Variants in CNTNAP3B observed in about 807,000 individuals in gnomAD.
The protein encoded by CNTNAP3B is contactin-associated protein-like 3B.
A neutral mutation model predicts 108.9 loss-of-function variants in CNTNAP3B; 25 were observed. The ratio of observed to expected loss-of-function variants is 0.23; its 90% CI spans 0.17 to 0.32. CNTNAP3B has a LOEUF of 0.32. Ranked by LOEUF, CNTNAP3B falls within the 10% of genes least tolerant of loss-of-function variation. CNTNAP3B has a pLI of 1.00. For synonymous variants in CNTNAP3B, 103 were observed against 473.4 expected (o/e 0.22, Z 10.16); for missense variants, 252 against 1,210.4 (o/e 0.21, Z 11.75).
chr9:41,947,389 A>G (rs1824558575), intron 13 of CNTNAP3B, among the ~76,000 whole-genome samples: 1 of 152,268 alleles, frequency 6.6e-6, no homozygotes. Flanking sequence ...AACACTTAGA[A>G]ATTTTTTAAA....
At chr9:42,123,192 A>G (rs1828500292) in intron 1 of CNTNAP3B, among the ~76,000 whole-genome samples, 1 of 107,252 alleles carries the variant, frequency 9.3e-6, no homozygotes, top group Non-Finnish European at 1.9e-5. Context: ...ACATTGAGAC[A>G]ATGTTTCTTT....
At chr9:41,968,102 G>C (rs1424600688) in intron 10 of CNTNAP3B, among the ~76,000 whole-genome samples, 2 of 152,216 alleles carry the variant, frequency 1.3e-5, no homozygotes, top group African/African-American at 2.4e-5. Context: ...CATGCACAAA[G>C]CAGGCAAAAT....
intron 13 of CNTNAP3B, among the ~76,000 whole-genome samples, chr9:41,941,287 A>C (rs1824334856): frequency 6.7e-6 from 1 of 148,706 alleles, no homozygotes; most frequent in South Asian, 2.2e-4. Context: ...AAAAAAAATA[A>C]CACAACGAGA....
chr9:42,113,169 T>C (rs1274234291), intron 1 of CNTNAP3B, among the ~76,000 whole-genome samples: 1 of 134,756 alleles, frequency 7.4e-6, no homozygotes, highest in East Asian at 2.3e-4. Flanking sequence ...GATGGGAAAA[T>C]CTGCATATGA....
At chr9:42,018,684 A>T (rs1386443193) in intron 3 of CNTNAP3B, among the ~76,000 whole-genome samples, 2 of 151,690 alleles carry the variant, frequency 1.3e-5, no homozygotes, top group Non-Finnish European at 2.9e-5. Context: ...ACTGTCAAAG[A>T]CTTCAGCTCA....
chr9:41,930,469 G>A (rs1416771912), intron 14 of CNTNAP3B, among the ~76,000 whole-genome samples: 1 of 152,286 alleles, frequency 6.6e-6, no homozygotes, highest in Non-Finnish European at 1.5e-5. Context: ...CTTGAGCCTG[G>A]GAGGTAGAGG....
At chr9:41,939,676 G>A (rs1280422855) in intron 13 of CNTNAP3B, among the ~76,000 whole-genome samples, 4 of 152,268 alleles carry the variant, frequency 2.6e-5, no homozygotes, top group Admixed American at 6.5e-5. Flanking sequence ...CCATTAAACT[G>A]TCGCAGATTA....
rs1167766380 is a variant in CNTNAP3B at position 41,973,845 on chromosome 9, TTC to T, written c.1478-3602_1478-3601del. ...TCTGCAAATTAGACTTTCTCTTTCT[TTC>T]TCTCTCTCTCTCTTTCTTGACAGAG... On this transcript the variant is annotated intron_variant, in intron 9 of 23. Transcript: ENST00000377561. 4.6e-5 allele frequency among the ~76,000 whole-genome samples: 6 copies of T among 130,496 alleles called. 1 individual carries two copies. Among genetic ancestry groups the T allele is most frequent in the Non-Finnish European group, 4.9e-5 (3 of 61,846 alleles). The allele number at this position is 130,496 out of a possible 152,430, so 85.6% of individuals were successfully genotyped here.
intron 2 of CNTNAP3B, among the ~76,000 whole-genome samples, chr9:42,085,987 T>C (rs924842979): frequency 1.4e-5 from 2 of 141,910 alleles, no homozygotes; most frequent in Admixed American, 1.4e-4. Context: ...TTCCAGTTTT[T>C]GTCTACTGTA....
chr9:42,108,062 T>A (rs1248835312), intron 1 of CNTNAP3B, among the ~76,000 whole-genome samples: 1 of 138,392 alleles, frequency 7.2e-6, no homozygotes, highest in Non-Finnish European at 1.5e-5. Context: ...GTTTATTGTT[T>A]TTTCCCTATC....
rs1410622445 is a variant in CNTNAP3B at position 42,056,373 on chromosome 9, C to T, written c.390+20496G>A. On this transcript the variant is annotated intron_variant, in intron 3 of 23. Coordinates refer to ENST00000377561, the MANE Select transcript of CNTNAP3B (RefSeq NM_001201380.3). ...TTATTATTATTATTATTATTTGAGA[C>T]GGAGTCTTGCTCTGTCGCCCAGGCT... Among the ~76,000 whole-genome samples the T allele has an allele frequency of 1.5e-4, 19 of 130,558 alleles. 1 individual carries two copies. The highest frequency in any genetic ancestry group is 3.0e-4 in the Admixed American group (4 of 13,210). The allele number at this position is 130,558 out of a possible 152,430, so 85.7% of individuals were successfully genotyped here.
At chr9:41,942,256 A>C (rs1450784048) in intron 13 of CNTNAP3B, among the ~76,000 whole-genome samples, 1 of 152,260 alleles carries the variant, frequency 6.6e-6, no homozygotes, top group African/African-American at 2.4e-5. Flanking sequence ...CGGGCAGATC[A>C]TGAGGTCAGG....
At chr9:41,966,916 G>A (rs536294853) in intron 10 of CNTNAP3B, among the ~76,000 whole-genome samples, 10 of 150,336 alleles carry the variant, frequency 6.7e-5, no homozygotes, top group East Asian at 5.8e-4. Context: ...GCAGTGAGCC[G>A]AGATCGTGCC....
rs556965555 is a variant in CNTNAP3B at position 42,096,029 on chromosome 9, C to G, written c.196+8600G>C. On this transcript the variant is annotated intron_variant, in intron 2 of 23. Coordinates refer to ENST00000377561, the MANE Select transcript of CNTNAP3B (RefSeq NM_001201380.3). ...GCCAGACCTCAGGCAGGAACATGGTCTTGCTCACCTGCCTTTGGTACCTCA... is the reference window on the plus strand; with the variant it reads ...GCCAGACCTCAGGCAGGAACATGGTGTTGCTCACCTGCCTTTGGTACCTCA... 1.3e-3 allele frequency among the ~76,000 whole-genome samples: 181 copies of G among 139,084 alleles called. 30 individuals carry two copies. Among genetic ancestry groups the G allele is most frequent in the Middle Eastern group, 3.4e-3 (1 of 290 alleles). The allele number at this position is 139,084 out of a possible 152,430, so 91.2% of individuals were successfully genotyped here.
intron 10 of CNTNAP3B, among the ~76,000 whole-genome samples, chr9:41,966,391 A>G (rs1258456435): frequency 1.3e-5 from 2 of 152,308 alleles, no homozygotes; most frequent in African/African-American, 4.8e-5. Context: ...TTTTTCTTCA[A>G]CTAAACACAA....
At chr9:41,934,393 T>C (rs1487140007) in intron 14 of CNTNAP3B, among the ~76,000 whole-genome samples, 2 of 152,374 alleles carry the variant, frequency 1.3e-5, no homozygotes, top group East Asian at 3.9e-4. Flanking sequence ...TAATATTTTT[T>C]GTATTTTTAG....
At chr9:42,084,543 C>A in intron 2 of CNTNAP3B, among the ~76,000 whole-genome samples, 1 of 47,398 alleles carries the variant, frequency 2.1e-5, no homozygotes. Flanking sequence ...TAGTGAATAT[C>A]AAATTATCCA....
intron 13 of CNTNAP3B, among the ~76,000 whole-genome samples, chr9:41,944,919 A>C (rs1315080282): frequency 2.6e-5 from 4 of 152,242 alleles, no homozygotes; most frequent in Non-Finnish European, 4.4e-5. Flanking sequence ...AAACAAATTT[A>C]CAAGAAAAAA....
At chr9:41,943,474 T>C (rs1419472337) in intron 13 of CNTNAP3B, among the ~76,000 whole-genome samples, 7 of 151,238 alleles carry the variant, frequency 4.6e-5, no homozygotes, top group Non-Finnish European at 1.0e-4. Flanking sequence ...TGCCTCAGCC[T>C]CCCGAGTAGC....
Sources: gnomAD v4.1 joint callset for allele counts (sites outside exome capture counted in the v4.1 genomes callset) on GRCh38, gnomAD v4.1.1 for gene constraint, MANE v1.5 for transcripts, NCBI Gene and HGNC (gene_info 2026-07-23, HGNC 2026-07-21) for gene names.